Variants in LPAR4 observed in about 807,000 individuals in gnomAD.
LPAR4 encodes the protein G-protein coupled receptor 23.
Under a neutral mutation model 9.2 loss-of-function variants are expected in LPAR4, and 14 were observed. That is an observed-to-expected ratio of 1.51 (90% CI 1.00 to 2.37). LPAR4 has a LOEUF of 2.37. Among genes scored for constraint, LPAR4 ranks in the 30% most tolerant of loss-of-function variants. The pLI, the probability that LPAR4 is intolerant of heterozygous loss-of-function variation, is 0.00. For synonymous variants in LPAR4, 131 were observed against 97.9 expected (o/e 1.34, Z -1.99); for missense variants, 251 against 272.1 (o/e 0.92, Z 0.55).
chrX:78,750,396 G>A (rs1010443950), intron 2 of LPAR4, among the ~76,000 whole-genome samples, 173 bp downstream of exon 2: 11 of 111,866 alleles, frequency 9.8e-5, no homozygotes, highest in African/African-American at 3.6e-4. Context: ...GGAGCTAGGG[G>A]ATGATTCTAC....
In LPAR4 at chrX:78,754,930, A is replaced by C; in HGVS notation, c.61A>C (p.Arg21=). The change falls in exon 5 of 5, where the codon AGG becomes CGG. Residue 21 remains arginine (R), a synonymous_variant. Coordinates refer to ENST00000614823, the MANE Select transcript of LPAR4 (RefSeq NM_001278000.3). ...FQDSNSSLRP[R]LGNATANNTC... ...AGATTCAAATTCAAGCCTCAGACCC[A>C]GGTTGGGCAATGCTACTGCCAATAA... The C allele has an allele frequency of 8.3e-7, 1 of 1,206,714 alleles. No individual in the cohort carries two copies. Among genetic ancestry groups the C allele is most frequent in the Non-Finnish European group, 1.1e-6 (1 of 892,072 alleles).
rs1371750200 is a variant in LPAR4 at position 78,758,170 on chromosome X, T to A, written c.*2188T>A. ...AAGTCCTAAAAGTAATTATGCATTA[T>A]GTAGTCTTATGAAAAGAGGCTATAG... On this transcript the variant is annotated 3_prime_UTR_variant, in exon 5 of 5. Coordinates refer to ENST00000614823, the MANE Select transcript of LPAR4 (RefSeq NM_001278000.3). Among the ~76,000 whole-genome samples, 2 of 111,986 alleles carry A rather than the reference T, an allele frequency of 1.8e-5. No individual in the cohort carries two copies. The highest frequency in any genetic ancestry group is 6.5e-5 in the African/African-American group (2 of 30,905).
chrX:78,753,149 GT>G (rs1925144247), intron 4 of LPAR4, among the ~76,000 whole-genome samples: 1 of 111,858 alleles, frequency 8.9e-6, no homozygotes, highest in African/African-American at 3.2e-5. Context: ...GCAGAAGACA[GT>G]AGTTTAATGC....
At chrX:78,748,879 T>A (rs1483508076) in intron 1 of LPAR4, 2 of 111,664 alleles carry the variant, frequency 1.8e-5, no homozygotes, top group Non-Finnish European at 3.8e-5. Flanking sequence ...CCCAATGGCT[T>A]TGCAACACGT....
In LPAR4 at chrX:78,751,500, T is replaced by C. The variant is rs370307710; in HGVS notation, c.-80+189T>C. Among the ~76,000 whole-genome samples, 22 of 111,366 alleles carry C rather than the reference T, an allele frequency of 2.0e-4. No individual in the cohort carries two copies. The East Asian group carries it at 5.4e-3, about 27-fold the overall frequency. ...GTAATTTGTTATAATCCAGGCAATTTTGATGAAGATGAATATTGATTCTTT... is the reference window on the plus strand; with the variant it reads ...GTAATTTGTTATAATCCAGGCAATTCTGATGAAGATGAATATTGATTCTTT... On this transcript the variant is annotated intron_variant, in intron 4 of 4. Coordinates refer to ENST00000614823, the MANE Select transcript of LPAR4 (RefSeq NM_001278000.3).
In LPAR4 at chrX:78,747,919, A is replaced by AAAAAAAAC. The variant is rs1924906487; in HGVS notation, c.-403_-402insCAAAAAAA. ...GTAAAAAAAAAAAAAAAAAAAAAAA[A>AAAAAAAAC]AAAAAAATGGATAAAAATATGCACT... On this transcript the variant is annotated 5_prime_UTR_variant, in exon 1 of 5. In the 5' UTR this introduces an upstream ATG that the reference lacks. Coordinates refer to ENST00000614823, the MANE Select transcript of LPAR4 (RefSeq NM_001278000.3). The AAAAAAAAC allele has an allele frequency of 9.6e-6, 1 of 104,514 alleles. No individual in the cohort carries two copies. Among genetic ancestry groups the AAAAAAAAC allele is most frequent in the African/African-American group, 3.5e-5 (1 of 28,864 alleles). The allele number at this position is 104,514 out of a possible 1,213,427, so 8.6% of individuals were successfully genotyped here. A position where few individuals can be genotyped will look rare whatever the true frequency, so the allele number is the denominator to read the frequency against.
chrX:78,755,503 G>C lies in LPAR4; in HGVS notation c.634G>C (p.Gly212Arg). 1 of 1,209,147 alleles carries C rather than the reference G, an allele frequency of 8.3e-7. No homozygotes were observed. The highest frequency in any genetic ancestry group is 1.1e-6 in the Non-Finnish European group (1 of 893,529). Residue 212 changes from glycine to arginine, a missense_variant, in exon 5 of 5, where the codon GGG (glycine) becomes CGG (arginine). Transcript: ENST00000614823. Reference protein sequence around the residue: ...SKITIFIEVVGFIIPLILNVS... With the variant: ...SKITIFIEVVRFIIPLILNVS... ...GATCACAATATTTATTGAAGTTGTT[G>C]GGTTTATCATTCCTCTAATATTGAA...
intron 1 of LPAR4, among the ~76,000 whole-genome samples, chrX:78,749,662 T>C (rs1296697276): frequency 8.9e-6 from 1 of 111,780 alleles, no homozygotes; most frequent in Non-Finnish European, 1.9e-5. Context: ...GGCATCTTTC[T>C]CTGTGATTCT....
chrX:78,755,739 G>A lies in LPAR4; in HGVS notation c.870G>A (p.Lys290=). 1.7e-6 allele frequency: 2 copies of A among 1,210,889 alleles called. No homozygotes were observed. Among genetic ancestry groups the A allele is most frequent in the Non-Finnish European group, 1.1e-6 (1 of 894,969 alleles). Residue 290 remains lysine (K), a synonymous_variant, in exon 5 of 5, where the codon AAG becomes AAA. Coordinates refer to ENST00000614823, the MANE Select transcript of LPAR4 (RefSeq NM_001278000.3). ...ATTGCTTTTTGGAAAGATTTGCAAA[G>A]ATCATGTACCCAATCACCTTGTGCC... The part of the protein sequence containing the change: ...ITNCFLERFA[K]IMYPITLCLA...
intron 4 of LPAR4, among the ~76,000 whole-genome samples, chrX:78,752,695 C>T (rs1602199986): frequency 1.8e-5 from 2 of 111,599 alleles, no homozygotes; most frequent in South Asian, 7.6e-4. Context: ...AAGGCCTTGT[C>T]TTCCTGAGCT....
At position 78,755,016 on chromosome X, in the gene LPAR4, A is replaced by G. The variant is rs1291608684; in HGVS notation, c.147A>G (p.Val49=). The G allele has an allele frequency of 8.3e-7, 1 of 1,210,428 alleles. No homozygotes were observed. Among genetic ancestry groups the G allele is most frequent in the Non-Finnish European group, 1.1e-6 (1 of 894,277 alleles). The change falls in exon 5 of 5, where the codon GTA becomes GTG. Residue 49 remains valine, a synonymous_variant. Coordinates refer to ENST00000614823, the MANE Select transcript of LPAR4 (RefSeq NM_001278000.3). ...YNLNGAVYSV[V]FILGLITNSV... ...TCAATGGTGCTGTCTACAGTGTTGT[A>G]TTCATCTTGGGTCTGATAACCAACA...
intron 4 of LPAR4, among the ~76,000 whole-genome samples, chrX:78,753,916 C>A (rs1317580247): frequency 9.0e-6 from 1 of 111,704 alleles, no homozygotes; most frequent in Non-Finnish European, 1.9e-5. Context: ...GGCAGTTTTC[C>A]CATGCCCTCT....
chrX:78,753,387 G>A (rs1487125928), intron 4 of LPAR4, among the ~76,000 whole-genome samples: 1 of 111,506 alleles, frequency 9.0e-6, no homozygotes, highest in Non-Finnish European at 1.9e-5. Context: ...AGAGCCAAAT[G>A]TCTTTCTGGT....
At position 78,758,582 on chromosome X, in the gene LPAR4, TAACCAA is replaced by T. The variant is rs1925403392; in HGVS notation, c.*2601_*2606del. ...AATAAAACTTGTCACATTAACAATG[TAACCAA>T]GAAAATGTAAAGTATAACTAAATAT... On this transcript the variant is annotated 3_prime_UTR_variant, in exon 5 of 5. Transcript: ENST00000614823. 2.7e-5 allele frequency among the ~76,000 whole-genome samples: 3 copies of T among 112,046 alleles called. No individual in the cohort carries two copies. The East Asian group carries it at 8.4e-4, about 31-fold the overall frequency.
At chrX:78,752,383 T>C (rs1421091461) in intron 4 of LPAR4, among the ~76,000 whole-genome samples, 1 of 112,077 alleles carries the variant, frequency 8.9e-6, no homozygotes, top group African/African-American at 3.2e-5. Flanking sequence ...TAGAGTCTTA[T>C]CTGTTAGAAA....
In LPAR4 at chrX:78,756,013, G is replaced by T. The variant is rs1211041894; in HGVS notation, c.*31G>T. ...AGAAATGTGTTCAGGTCCAGATATGGTTTCTCCTATAATTTTTCCTATGCT... is the reference window on the plus strand; with the variant it reads ...AGAAATGTGTTCAGGTCCAGATATGTTTTCTCCTATAATTTTTCCTATGCT... On this transcript the variant is annotated 3_prime_UTR_variant, in exon 5 of 5. Transcript: ENST00000614823. The T allele has an allele frequency of 8.9e-7, 1 of 1,122,107 alleles. No homozygotes were observed. Among genetic ancestry groups the T allele is most frequent in the Non-Finnish European group, 1.2e-6 (1 of 835,191 alleles). 92.5% of individuals were successfully genotyped at this position (1,122,107 alleles called of 1,213,427 possible).
chrX:78,750,360 A>T (rs1177120445), intron 2 of LPAR4, 137 bp downstream of exon 2: 2 of 111,661 alleles, frequency 1.8e-5, no homozygotes, highest in Non-Finnish European at 3.8e-5. Context: ...TTAGAAAAGG[A>T]TGAGATGTAA....
In LPAR4 at chrX:78,758,672, G is replaced by C. The variant is rs1240096741; in HGVS notation, c.*2690G>C. ...ATTTTGCAGCTGTAATTGCAACTTGGATTTTAAATGTTTATTAAATGTAAT... is the reference window on the plus strand; with the variant it reads ...ATTTTGCAGCTGTAATTGCAACTTGCATTTTAAATGTTTATTAAATGTAAT... On this transcript the variant is annotated 3_prime_UTR_variant, in exon 5 of 5. Coordinates refer to ENST00000614823, the MANE Select transcript of LPAR4 (RefSeq NM_001278000.3). 3.6e-5 allele frequency among the ~76,000 whole-genome samples: 4 copies of C among 111,413 alleles called. No homozygotes were observed. Among genetic ancestry groups the C allele is most frequent in the Non-Finnish European group, 5.7e-5 (3 of 52,954 alleles).
Position 78,755,570 on chromosome X carries a change from C to A in LPAR4, c.701C>A (p.Pro234His). The A allele has an allele frequency of 1.7e-6, 2 of 1,209,962 alleles. No individual in the cohort carries two copies. The highest frequency in any genetic ancestry group is 2.2e-6 in the Non-Finnish European group (2 of 894,300). ...SSVVLRTLRK[P>H]ATLSQIGTNK... ...GTGGTGCTGAGAACTCTTCGCAAGCCTGCTACTCTGTCTCAAATTGGGACC... is the reference window on the plus strand; with the variant it reads ...GTGGTGCTGAGAACTCTTCGCAAGCATGCTACTCTGTCTCAAATTGGGACC... Residue 234 changes from proline (P) to histidine (H), a missense_variant, in exon 5 of 5, where the codon CCT becomes CAT. By Grantham distance (77) the Pro-to-His change is moderately conservative. Transcript: ENST00000614823.
Sources: gnomAD v4.1 joint callset for allele counts (sites outside exome capture counted in the v4.1 genomes callset) on GRCh38, gnomAD v4.1.1 for gene constraint, MANE v1.5 for transcripts, NCBI Gene and HGNC (gene_info 2026-07-23, HGNC 2026-07-21) for gene names.